Variants in TMEM30A observed in about 807,000 individuals in gnomAD.
TMEM30A encodes the protein cell cycle control protein 50A.
In TMEM30A, 24 loss-of-function variants were observed where a neutral mutation model predicts 38.2. That is an observed-to-expected ratio of 0.63 (90% CI 0.46 to 0.88). The LOEUF (loss-of-function observed/expected upper bound fraction) is 0.88. TMEM30A is among the 40% of genes least tolerant of loss of function. The pLI, the probability that TMEM30A is intolerant of heterozygous loss-of-function variation, is 0.00. For synonymous variants in TMEM30A, 145 were observed against 161.6 expected (o/e 0.90, Z 0.78); for missense variants, 370 against 458.6 (o/e 0.81, Z 1.77).
intron 2 of TMEM30A, among the ~76,000 whole-genome samples, chr6:75,267,184 G>A (rs1057431311): frequency 6.6e-6 from 1 of 152,082 alleles, no homozygotes; most frequent in Non-Finnish European, 1.5e-5. Flanking sequence ...GATCAGTAAG[G>A]TTTTAATAAG....
At chr6:75,261,998 G>A (rs1582276328) in intron 3 of TMEM30A, among the ~76,000 whole-genome samples, 2 of 152,204 alleles carry the variant, frequency 1.3e-5, no homozygotes, top group East Asian at 3.9e-4. Context: ...CTATCTATGT[G>A]TCAGGTACTA....
At chr6:75,280,990 G>C (rs1258806546) in intron 1 of TMEM30A, among the ~76,000 whole-genome samples, 1 of 151,954 alleles carries the variant, frequency 6.6e-6, no homozygotes, top group African/African-American at 2.4e-5. Context: ...AAAATAATCA[G>C]GATTAAATAA....
intron 3 of TMEM30A, among the ~76,000 whole-genome samples, chr6:75,262,229 C>T (rs570136473): frequency 2.0e-5 from 3 of 152,092 alleles, no homozygotes; most frequent in Non-Finnish European, 4.4e-5. Context: ...CACCTTTAGT[C>T]CCAACTACTT....
intron 1 of TMEM30A, among the ~76,000 whole-genome samples, chr6:75,277,991 T>C (rs1373016789): frequency 6.6e-6 from 1 of 152,078 alleles, no homozygotes; most frequent in African/African-American, 2.4e-5. Context: ...TGAACAGAGA[T>C]GGAAAAAAGA....
chr6:75,268,042 C>A (rs1358313409), intron 1 of TMEM30A, among the ~76,000 whole-genome samples: 2 of 152,078 alleles, frequency 1.3e-5, no homozygotes, highest in Non-Finnish European at 2.9e-5. Flanking sequence ...ATTTACATAG[C>A]TAAAACATCT....
intron 2 of TMEM30A, among the ~76,000 whole-genome samples, chr6:75,266,874 C>G (rs762076634): frequency 3.3e-5 from 5 of 152,150 alleles, no homozygotes; most frequent in African/African-American, 4.8e-5. Flanking sequence ...CAGCATGATC[C>G]TGTCCTTTAT....
Position 75,260,865 on chromosome 6 carries a change from G to T in TMEM30A, c.500C>A (p.Pro167Gln). 1.2e-6 allele frequency: 2 copies of T among 1,601,960 alleles called. No individual in the cohort carries two copies. The highest frequency in any genetic ancestry group is 1.7e-6 in the Non-Finnish European group (2 of 1,177,070). ...GGCAATAGCTCCACAAGGAGCAATT[G>T]GTTTGTCTTCATTTCTTCGATAAGG... is the stretch of plus-strand genomic sequence containing the variant. Reference protein sequence around the residue: ...CEPYRRNEDKPIAPCGAIANS... With the variant: ...CEPYRRNEDKQIAPCGAIANS... Residue 167 changes from proline to glutamine, a missense_variant, in exon 4 of 7, where the codon CCA (proline) becomes CAA (glutamine). By Grantham distance (76) the Pro-to-Gln change is moderately conservative. Transcript: ENST00000230461.
At chr6:75,280,707 CA>C (rs201048098) in intron 1 of TMEM30A, among the ~76,000 whole-genome samples, 2,229 of 152,110 alleles carry the variant, frequency 0.015, 58 homozygotes, top group African/African-American at 0.051. Flanking sequence ...GTTAAAACAC[CA>C]CAAACCTTAA....
In TMEM30A at chr6:75,283,237, T is replaced by A. The variant is rs141988297; in HGVS notation, c.237+1165A>T. 1.4e-3 allele frequency among the ~76,000 whole-genome samples: 208 copies of A among 152,178 alleles called. 1 individual carries two copies. Among genetic ancestry groups the A allele is most frequent in the African/African-American group, 4.8e-3 (199 of 41,528 alleles). ...CACTGCAAATTAAACTGGAACCCCATCCCTATTTCAGTAGTTAAAAATAAA... is the reference window on the plus strand; with the variant it reads ...CACTGCAAATTAAACTGGAACCCCAACCCTATTTCAGTAGTTAAAAATAAA... On this transcript the variant is annotated intron_variant, in intron 1 of 6. Transcript: ENST00000230461.
intron 1 of TMEM30A, among the ~76,000 whole-genome samples, chr6:75,277,629 C>T (rs939701136): frequency 4.6e-5 from 7 of 152,036 alleles, no homozygotes; most frequent in African/African-American, 7.2e-5. Context: ...AGGCCAGGTG[C>T]GGTGGCTAAC....
intron 2 of TMEM30A, 48 bp downstream of exon 2, chr6:75,267,593 T>A (rs770397057): frequency 1.5e-6 from 2 of 1,368,032 alleles, no homozygotes; most frequent in African/African-American, 2.9e-5. Flanking sequence ...ACAGTATCAG[T>A]ATTTTTTAAA....
At chr6:75,259,709 T>C (rs1336143236) in intron 4 of TMEM30A, among the ~76,000 whole-genome samples, 1 of 152,246 alleles carries the variant, frequency 6.6e-6, no homozygotes, top group African/African-American at 2.4e-5. Flanking sequence ...TCTAATTCAG[T>C]TACCCATAGG....
intron 1 of TMEM30A, among the ~76,000 whole-genome samples, chr6:75,277,059 C>G (rs146203802): frequency 4.4e-4 from 67 of 152,286 alleles, no homozygotes; most frequent in Non-Finnish European, 7.2e-4. Context: ...AACCATCAAC[C>G]CTTCCTTCAT....
In TMEM30A at chr6:75,253,105, C is replaced by A. The variant is rs1035756612; in HGVS notation, c.*2997G>T. ...CTTGTAAAAGGACCACTTCCCTACT[C>A]CCTCCACCCTCCCCTCAAAATACCC... On this transcript the variant is annotated 3_prime_UTR_variant, in exon 7 of 7. Transcript: ENST00000230461. 6.6e-6 allele frequency: 1 copy of A among 152,004 alleles called. No individual in the cohort carries two copies. Among genetic ancestry groups the A allele is most frequent in the African/African-American group, 2.4e-5 (1 of 41,392 alleles). 9.4% of individuals were successfully genotyped at this position (152,004 alleles called of 1,614,324 possible). A position where few individuals can be genotyped will look rare whatever the true frequency, so the allele number is the denominator to read the frequency against.
rs1228713374 is a variant in TMEM30A, at chr6:75,254,625, A to G, written c.*1477T>C. The G allele has an allele frequency of 6.6e-6, 1 of 152,120 alleles. No individual in the cohort carries two copies. Among genetic ancestry groups the G allele is most frequent in the Non-Finnish European group, 1.5e-5 (1 of 67,970 alleles). The allele number at this position is 152,120 out of a possible 1,614,324, so 9.4% of individuals were successfully genotyped here. A position where few individuals can be genotyped will look rare whatever the true frequency, so the allele number is the denominator to read the frequency against. On this transcript the variant is annotated 3_prime_UTR_variant, in exon 7 of 7. Coordinates refer to ENST00000230461, the MANE Select transcript of TMEM30A (RefSeq NM_018247.4). ...TTTTTAAAAAAAGTATATATTAATC[A>G]AAAGTATACATTACCCAGACCTTTT... is the stretch of plus-strand genomic sequence containing the variant.
rs1448348916 is a variant in TMEM30A, at chr6:75,278,429, G to A, written c.237+5973C>T. ...AGCTTGTGTGGCCTTGTTACTAAGT[G>A]GAGGTGGTACATGACAGTTTTCAAG... On this transcript the variant is annotated intron_variant, in intron 1 of 6. Transcript: ENST00000230461. 2.0e-5 allele frequency among the ~76,000 whole-genome samples: 3 copies of A among 152,148 alleles called. No homozygotes were observed. In the East Asian group the frequency reaches 5.8e-4, roughly 29 times the overall value.
chr6:75,265,060 G>A (rs1396306452), intron 3 of TMEM30A, among the ~76,000 whole-genome samples, 171 bp downstream of exon 3: 2 of 151,866 alleles, frequency 1.3e-5, no homozygotes, highest in African/African-American at 4.8e-5. Context: ...CTGTGCCACT[G>A]CACTCCAGCC....
intron 6 of TMEM30A, among the ~76,000 whole-genome samples, chr6:75,258,304 T>C (rs887473517): frequency 1.3e-5 from 2 of 152,206 alleles, no homozygotes; most frequent in African/African-American, 4.8e-5. Context: ...CTTATTAATA[T>C]GGAACAATAT....
At chr6:75,264,471 A>G (rs1009857660) in intron 3 of TMEM30A, among the ~76,000 whole-genome samples, 3 of 151,898 alleles carry the variant, frequency 2.0e-5, no homozygotes, top group African/African-American at 7.3e-5. Flanking sequence ...CCCCGTCTCT[A>G]CTAAAAATAC....
Sources: allele counts gnomAD v4.1 joint callset (sites outside exome capture counted in the v4.1 genomes callset), GRCh38; gene constraint gnomAD v4.1.1; transcripts MANE v1.5; gene names NCBI Gene and HGNC (gene_info 2026-07-23, HGNC 2026-07-21).